THUMPD3: variants seen among roughly 807,000 people sequenced by gnomAD.
THUMPD3 encodes THUMP domain 3 tRNA guanosine methyltransferase.
In THUMPD3, 44 loss-of-function variants were observed where a neutral mutation model predicts 54.5. The observed-to-expected ratio is 0.81, with a 90% CI of 0.63 to 1.04. The LOEUF (loss-of-function observed/expected upper bound fraction) is 1.04. Among genes scored for constraint, THUMPD3 ranks in the 50% least tolerant of loss-of-function variants. The probability of loss-of-function intolerance (pLI) is 0.00; values close to 1 mark genes in which losing one functional copy is unlikely to be tolerated. For synonymous variants in THUMPD3, 196 were observed against 201.4 expected (o/e 0.97, Z 0.23); for missense variants, 604 against 601.3 (o/e 1.00, Z -0.05).
In THUMPD3 at chr3:9,371,552, G is replaced by C; in HGVS notation, c.807+16G>C. The stretch of plus-strand genomic sequence containing the variant: ...TGATGTGGAGGTAGGTATAGGCTCT[G>C]ACTGTGGTGATTGAAGAATGCTGTC... On this transcript the variant is annotated intron_variant, in intron 4 of 9. Transcript: ENST00000452837. 1 of 1,575,976 alleles carries C rather than the reference G, an allele frequency of 6.3e-7. No individual in the cohort carries two copies. The highest frequency in any genetic ancestry group is 8.6e-7 in the Non-Finnish European group (1 of 1,156,158).
intron 6 of THUMPD3, 137 bp from the exon 7 acceptor site, chr3:9,380,366 G>A (rs781451331): frequency 3.3e-6 from 2 of 605,614 alleles, no homozygotes; most frequent in Non-Finnish European, 5.7e-6. Context: ...GGCATTTTCA[G>A]CCAGGGAAAT....
chr3:9,382,397 A>G (rs1399294658), intron 7 of THUMPD3, among the ~76,000 whole-genome samples: 1 of 151,992 alleles, frequency 6.6e-6, no homozygotes, highest in East Asian at 2.0e-4. Context: ...GTCTTCTGTC[A>G]TCTATATTTT....
At chr3:9,377,721 A>G in intron 5 of THUMPD3, 98 bp from the exon 6 acceptor site, 1 of 858,484 alleles carries the variant, frequency 1.2e-6, no homozygotes, top group Non-Finnish European at 1.9e-6. Flanking sequence ...CCTTCGGGCT[A>G]GTGTGGTAGG....
At chr3:9,366,735 T>C (rs1278655193) in intron 2 of THUMPD3, among the ~76,000 whole-genome samples, 173 bp from the exon 3 acceptor site, 1 of 152,258 alleles carries the variant, frequency 6.6e-6, no homozygotes, top group East Asian at 1.9e-4. Context: ...AGGGGAAAGC[T>C]GATTAGTAAC....
In THUMPD3 at chr3:9,385,860, C is replaced by T. The variant is rs546535162; in HGVS notation, c.*1172C>T. On this transcript the variant is annotated 3_prime_UTR_variant, in exon 10 of 10. Transcript: ENST00000452837. ...TTACTTTCTCCTGGATCACGATTCACATTTAATTGCTTTTCCAGTTGCAAC... is the reference window on the plus strand; with the variant it reads ...TTACTTTCTCCTGGATCACGATTCATATTTAATTGCTTTTCCAGTTGCAAC... The T allele has an allele frequency of 1.3e-5, 2 of 152,312 alleles. No individual in the cohort carries two copies. Among genetic ancestry groups the T allele is most frequent in the South Asian group, 2.1e-4 (1 of 4,828 alleles). The allele number at this position is 152,312 out of a possible 1,614,324, so 9.4% of individuals were successfully genotyped here.
rs145545098 is a variant in THUMPD3, at chr3:9,381,234, T to C, written c.1124+616T>C. ...GAGACGAGTCACCACACCTGGACCA[T>C]AGTCTTTAAAGTCACTACATAAATT... On this transcript the variant is annotated intron_variant, in intron 7 of 9. Transcript: ENST00000452837. Among the ~76,000 whole-genome samples, 886 of 152,344 alleles carry C rather than the reference T, an allele frequency of 5.8e-3. 2 individuals are homozygous for C. Among genetic ancestry groups the C allele is most frequent in the Non-Finnish European group, 8.1e-3 (552 of 68,028 alleles).
intron 7 of THUMPD3, among the ~76,000 whole-genome samples, chr3:9,382,617 G>A (rs76126292): frequency 0.02 from 3,090 of 152,216 alleles, 101 homozygotes; most frequent in Admixed American, 0.09. Context: ...TCCAGTGTAT[G>A]TTTTATCAGC....
chr3:9,371,898 A>G (rs2032069866), intron 4 of THUMPD3, among the ~76,000 whole-genome samples: 2 of 152,174 alleles, frequency 1.3e-5, no homozygotes, highest in African/African-American at 2.4e-5. Flanking sequence ...CTTTTTCGAG[A>G]CAGAGTCTTG....
At chr3:9,368,008 TG>T in intron 3 of THUMPD3, among the ~76,000 whole-genome samples, 1 of 151,712 alleles carries the variant, frequency 6.6e-6, no homozygotes, top group East Asian at 1.9e-4. Context: ...GAGCTGGCAG[TG>T]AGCAGAGATC....
chr3:9,382,293 A>G (rs2032986716), intron 7 of THUMPD3, among the ~76,000 whole-genome samples: 1 of 152,070 alleles, frequency 6.6e-6, no homozygotes, highest in African/African-American at 2.4e-5. Context: ...ACTTATCTTC[A>G]GTTCTTAGCC....
intron 4 of THUMPD3, among the ~76,000 whole-genome samples, chr3:9,374,176 G>A (rs1013731749): frequency 5.3e-5 from 8 of 151,732 alleles, no homozygotes; most frequent in South Asian, 2.1e-4. Flanking sequence ...AGTTTTTTTC[G>A]TTCATTTTAA....
intron 8 of THUMPD3, among the ~76,000 whole-genome samples, chr3:9,383,645 A>G (rs1475111362): frequency 8.1e-5 from 12 of 147,886 alleles, no homozygotes; most frequent in Non-Finnish European, 1.2e-4. Flanking sequence ...TTTTTTGGAG[A>G]CAGAGCCCTG....
chr3:9,373,451 T>C (rs558689274), intron 4 of THUMPD3, among the ~76,000 whole-genome samples: 1 of 152,164 alleles, frequency 6.6e-6, no homozygotes, highest in East Asian at 1.9e-4. Context: ...TCTGTGATCA[T>C]GCCACTGCAC....
intron 8 of THUMPD3, among the ~76,000 whole-genome samples, chr3:9,383,612 T>C (rs2033091597): frequency 6.6e-6 from 1 of 151,882 alleles, no homozygotes; most frequent in Non-Finnish European, 1.5e-5. Flanking sequence ...ATTCTGTTTC[T>C]CAGCATAAAT....
chr3:9,365,119 T>C lies in THUMPD3; in HGVS notation c.51T>C (p.His17=). The C allele has an allele frequency of 1.2e-6, 2 of 1,614,198 alleles. No homozygotes were observed. The highest frequency in any genetic ancestry group is 1.7e-6 in the Non-Finnish European group (2 of 1,180,044). The change falls in exon 2 of 10, where the codon CAT becomes CAC. Residue 17 remains histidine, a synonymous_variant. Transcript: ENST00000452837. Reference sequence around the variant, plus strand: ...ACCAACTCCTAGATGTGAACCTTCATGAGAACCAGAAGTCTGTACAAGTGA... The same window carrying C: ...ACCAACTCCTAGATGTGAACCTTCACGAGAACCAGAAGTCTGTACAAGTGA... ...ATNQLLDVNL[H]ENQKSVQVTE...
chr3:9,377,859 A>G lies in THUMPD3; in HGVS notation c.979A>G (p.Met327Val). ...ACCTTATGATATAATAGTCGATCCA[A>G]TGTGTGGAACTGGGGCAATACCAAT... ...PLPYDIIVDP[M>V]CGTGAIPIEG... The change falls in exon 6 of 10, where the codon ATG (methionine) becomes GTG (valine). Residue 327 changes from methionine (M) to valine (V), a missense_variant. Transcript: ENST00000452837. The G allele has an allele frequency of 4.3e-6, 7 of 1,613,594 alleles. No homozygotes were observed. The highest frequency in any genetic ancestry group is 5.9e-6 in the Non-Finnish European group (7 of 1,179,590).
intron 5 of THUMPD3, among the ~76,000 whole-genome samples, chr3:9,376,345 C>G (rs1384596001): frequency 6.6e-6 from 1 of 152,228 alleles, no homozygotes; most frequent in African/African-American, 2.4e-5. Context: ...GGACTCTTGT[C>G]TCTTCTCATC....
intron 1 of THUMPD3, chr3:9,363,806 C>CTTTT (rs56359034): frequency 4.5e-5 from 4 of 88,922 alleles, no homozygotes; most frequent in Non-Finnish European, 6.7e-5. Context: ...TTAATTTTTT[C>CTTTT]TTTTTTTTTT....
At chr3:9,383,112 T>G in intron 7 of THUMPD3, 87 bp from the exon 8 acceptor site, 1 of 807,102 alleles carries the variant, frequency 1.2e-6, no homozygotes, top group Admixed American at 2.0e-5. Flanking sequence ...TATGTTTTGC[T>G]GTAGCAGTCT....
Sources: allele counts gnomAD v4.1 joint callset (sites outside exome capture counted in the v4.1 genomes callset), GRCh38; gene constraint gnomAD v4.1.1; transcripts MANE v1.5; gene names NCBI Gene and HGNC (gene_info 2026-07-23, HGNC 2026-07-21).